The following UPF2 variants were observed in gnomAD, a reference collection of about 807,000 sequenced individuals.
UPF2 encodes the protein UPF2 regulator of nonsense mediated mRNA decay, also known as regulator of nonsense transcripts 2.
UPF2 carries 17 observed loss-of-function variants against 141.4 expected under a neutral mutation model. The ratio of observed to expected loss-of-function variants is 0.12; its 90% CI spans 0.08 to 0.18. The LOEUF (loss-of-function observed/expected upper bound fraction) is 0.18, where lower values mean the gene tolerates loss of function less well. UPF2 is among the 10% of genes least tolerant of loss of function. UPF2 has a pLI of 1.00. For missense variants in UPF2, 1,152 were observed against 1,515.9 expected (o/e 0.76, Z 3.99); for synonymous variants, 540 against 498.0 (o/e 1.08, Z -1.12).
At chr10:12,039,586 T>C (rs574948577) in intron 1 of UPF2, among the ~76,000 whole-genome samples, 25 of 151,996 alleles carry the variant, frequency 1.6e-4, no homozygotes, top group Admixed American at 2.0e-4. Context: ...CTACAAAGAA[T>C]GGCATCAGAA....
At position 12,001,791 on chromosome 10, in the gene UPF2, T is replaced by C. The variant is rs11595168; in HGVS notation, c.1539A>G (p.Ser513=). The C allele has an allele frequency of 9.9e-6, 16 of 1,611,146 alleles. No homozygotes were observed. Among genetic ancestry groups the C allele is most frequent in the Admixed American group, 3.4e-5 (2 of 59,630 alleles). The change falls in exon 6 of 22, where the codon TCA becomes TCG. Residue 513 remains serine (S), a synonymous_variant. Coordinates refer to ENST00000357604, the MANE Select transcript of UPF2 (RefSeq NM_015542.4). ...AKESKENKEV[S]SPDDLELELE... is the part of the protein sequence containing the mutation. ...ACTCAAGTTCCAAATCATCGGGACT[T>C]GATACCTCCTTATTCTCCTTAGATT... is the stretch of plus-strand genomic sequence containing the variant.
intron 19 of UPF2, among the ~76,000 whole-genome samples, chr10:11,934,823 T>C (rs940263635): frequency 3.2e-4 from 49 of 152,188 alleles, no homozygotes; most frequent in Middle Eastern, 6.8e-3. Context: ...TCCCTGACCT[T>C]GTGATCCGCC....
At position 12,016,348 on chromosome 10, in the gene UPF2, G is replaced by T. The variant is rs984056895; in HGVS notation, c.1146-2164C>A. ...CAAAATGTTGGGATTACAGGTGTGA[G>T]CCACCACACTCGGCCAAAATTAAAT... On this transcript the variant is annotated intron_variant, in intron 3 of 21. Transcript: ENST00000357604. The surrounding 1 kb of genome is among the most constrained non-coding windows in gnomAD (Gnocchi z 4.1). Among the ~76,000 whole-genome samples the T allele has an allele frequency of 1.3e-5, 2 of 152,084 alleles. No individual in the cohort carries two copies. Among genetic ancestry groups the T allele is most frequent in the Admixed American group, 1.3e-4 (2 of 15,260 alleles).
Position 11,934,415 on chromosome 10 carries a change from G to A in UPF2, c.3546+2130C>T, listed in dbSNP as rs1564335700. Among the ~76,000 whole-genome samples, 3 of 152,212 alleles carry A rather than the reference G, an allele frequency of 2.0e-5. No homozygotes were observed. The South Asian group carries it at 6.2e-4, about 32-fold the overall frequency. ...ACCCTGGTCGAAGGAGGGGAGGGGT[G>A]TGGCTCTCCTGAAAGCACCAGGAGG... On this transcript the variant is annotated intron_variant, in intron 19 of 21. Transcript: ENST00000357604.
chr10:11,973,827 T>C lies in UPF2; in HGVS notation c.1953+5230A>G, dbSNP rs562669402. Among the ~76,000 whole-genome samples the C allele has an allele frequency of 2.3e-4, 35 of 152,306 alleles. No individual in the cohort carries two copies. In the South Asian group the frequency reaches 6.2e-3, roughly 27 times the overall value. On this transcript the variant is annotated intron_variant, in intron 9 of 21. Transcript: ENST00000357604. ...TTGAAGTCAGGTTGCATGATGCCTC[T>C]AACTTTGTTCTTTTTGCTTAGGATT... is the stretch of plus-strand genomic sequence containing the variant.
chr10:11,938,853 G>GTTTTTTTGTTTTTTTTTTTTTTTTT (rs1832890068), intron 18 of UPF2, among the ~76,000 whole-genome samples: 2 of 79,816 alleles, frequency 2.5e-5, no homozygotes, highest in African/African-American at 1.0e-4. Context: ...TTTTTTTTTT[G>GTTTTTTTGTTTTTTTTTTTTTTTTT]TTTTTTTTTT....
At chr10:12,023,686 T>C (rs1834358279) in intron 3 of UPF2, among the ~76,000 whole-genome samples, 1 of 145,344 alleles carries the variant, frequency 6.9e-6, no homozygotes, top group Admixed American at 6.9e-5. Context: ...CGAGACTCCA[T>C]CTAAAAAAAA....
Position 12,035,043 on chromosome 10 carries a change from C to A in UPF2, c.365+16G>T. ...TCCCATTCCCTCACATCAATAAATA[C>A]AATCAACTGCCTTACTTCATCTGAG... On this transcript the variant is annotated intron_variant, in intron 2 of 21. Coordinates refer to ENST00000357604, the MANE Select transcript of UPF2 (RefSeq NM_015542.4). 6.5e-7 allele frequency: 1 copy of A among 1,540,052 alleles called. No homozygotes were observed. Among genetic ancestry groups the A allele is most frequent in the South Asian group, 1.3e-5 (1 of 77,578 alleles).
chr10:11,968,808 A>G (rs1158308650), intron 9 of UPF2, among the ~76,000 whole-genome samples: 1 of 152,228 alleles, frequency 6.6e-6, no homozygotes, highest in African/African-American at 2.4e-5. Context: ...CAGTCTAGAA[A>G]ACTTTCATTT....
intron 2 of UPF2, among the ~76,000 whole-genome samples, chr10:12,033,686 AAAAT>A (rs1834569091): frequency 6.6e-6 from 1 of 152,240 alleles, no homozygotes; most frequent in African/African-American, 2.4e-5. Flanking sequence ...TTTTTAGTTA[AAAAT>A]AAATAAGTTA....
At chr10:11,984,201 G>A (rs571789428) in intron 8 of UPF2, among the ~76,000 whole-genome samples, 20 of 152,250 alleles carry the variant, frequency 1.3e-4, no homozygotes, top group African/African-American at 3.4e-4. Context: ...GATTACAGGC[G>A]TGAGCCAGCG....
intron 9 of UPF2, among the ~76,000 whole-genome samples, chr10:11,971,640 T>C: frequency 6.6e-6 from 1 of 152,360 alleles, no homozygotes; most frequent in Non-Finnish European, 1.5e-5. Flanking sequence ...TATATATTTA[T>C]AGCTCAATAA....
chr10:12,004,016 G>C (rs537972651), intron 5 of UPF2, among the ~76,000 whole-genome samples: 1 of 151,778 alleles, frequency 6.6e-6, no homozygotes, highest in African/African-American at 2.4e-5. Flanking sequence ...GGTGAGAGAG[G>C]ATGGGAGTTA....
chr10:11,970,968 CAT>C (rs1833407490), intron 9 of UPF2, among the ~76,000 whole-genome samples: 1 of 151,946 alleles, frequency 6.6e-6, no homozygotes, highest in South Asian at 2.1e-4. Context: ...AGTATCACAC[CAT>C]TTTAAGCATT....
intron 14 of UPF2, among the ~76,000 whole-genome samples, chr10:11,952,507 C>T (rs1249907198): frequency 7.4e-6 from 1 of 134,736 alleles, no homozygotes; most frequent in East Asian, 2.2e-4. Flanking sequence ...TGGAGTCTCG[C>T]TCTGTCACCC....
At chr10:11,975,677 TTTG>T (rs967858488) in intron 9 of UPF2, among the ~76,000 whole-genome samples, 7 of 151,860 alleles carry the variant, frequency 4.6e-5, no homozygotes, top group Non-Finnish European at 5.9e-5. Context: ...CCCGGCTAAT[TTTG>T]TTGTTTTTTT....
chr10:12,032,092 G>A (rs774402724), intron 2 of UPF2, among the ~76,000 whole-genome samples: 9 of 152,040 alleles, frequency 5.9e-5, no homozygotes, highest in Non-Finnish European at 1.3e-4. Flanking sequence ...TCAGGAGTTC[G>A]AGATCAGCCT....
At chr10:11,981,378 T>C (rs1461664816) in intron 8 of UPF2, among the ~76,000 whole-genome samples, 1 of 152,138 alleles carries the variant, frequency 6.6e-6, no homozygotes, top group African/African-American at 2.4e-5. Flanking sequence ...AACCACTTTA[T>C]AAGGTGGATA....
chr10:11,999,869 C>CT (rs1172697768), intron 7 of UPF2, 37 bp downstream of exon 7: 4 of 1,533,988 alleles, frequency 2.6e-6, no homozygotes, highest in Middle Eastern at 1.7e-4. Flanking sequence ...CTACAAGGTC[C>CT]ATGTGCTTGA....
Sources: gnomAD v4.1 joint callset for allele counts (sites outside exome capture counted in the v4.1 genomes callset) on GRCh38, gnomAD v4.1.1 for gene constraint, Gnocchi (gnomAD v3.1) non-coding constraint, MANE v1.5 for transcripts, NCBI Gene and HGNC (gene_info 2026-07-23, HGNC 2026-07-21) for gene names.